Variants in ADAM12 observed in about 807,000 individuals in gnomAD.
ADAM12 encodes disintegrin and metalloproteinase domain-containing protein 12.
In ADAM12, 70 loss-of-function variants were observed where a neutral mutation model predicts 106.4. That is an observed-to-expected ratio of 0.66 (90% confidence interval 0.54 to 0.80). The LOEUF is 0.80. Ranked by LOEUF, ADAM12 falls within the 30% of genes least tolerant of loss-of-function variation. The pLI, the probability that ADAM12 is intolerant of heterozygous loss-of-function variation, is 0.00. For synonymous variants in ADAM12, 420 were observed against 433.5 expected (o/e 0.97, Z 0.39); for missense variants, 1,010 against 1,171.9 (o/e 0.86, Z 2.02).
At chr10:126,364,149 T>A (rs4431941) in intron 1 of ADAM12, among the ~76,000 whole-genome samples, 103,486 of 151,318 alleles carry the variant, frequency 0.68, 35,580 homozygotes, top group Admixed American at 0.74. Context: ...CTTTTTTTTT[T>A]AAAAAAATCT....
intron 14 of ADAM12, among the ~76,000 whole-genome samples, chr10:126,050,002 GGC>G (rs1954437604): frequency 2.8e-5 from 1 of 36,030 alleles, no homozygotes; most frequent in African/African-American, 1.3e-4. Flanking sequence ...CTGGCTGGCT[GGC>G]TGGCTGGCTG....
At chr10:126,159,434 G>A (rs756919476) in intron 3 of ADAM12, among the ~76,000 whole-genome samples, 1 of 150,726 alleles carries the variant, frequency 6.6e-6, no homozygotes, top group African/African-American at 2.4e-5. Context: ...CTATGTACTT[G>A]TACTTCTATC....
At chr10:126,048,132 G>A (rs1188162617) in intron 16 of ADAM12, among the ~76,000 whole-genome samples, 1 of 152,094 alleles carries the variant, frequency 6.6e-6, no homozygotes, top group Non-Finnish European at 1.5e-5. Context: ...AAACACACTG[G>A]GCCTATCAGA....
intron 3 of ADAM12, among the ~76,000 whole-genome samples, chr10:126,233,942 AC>A (rs1307190591): frequency 1.3e-5 from 2 of 152,220 alleles, no homozygotes; most frequent in African/African-American, 4.8e-5. Context: ...AGATTAAGGA[AC>A]CGGCAATATA....
In ADAM12 at chr10:126,367,707, C is replaced by T. The variant is rs559489621; in HGVS notation, c.88+20351G>A. Among the ~76,000 whole-genome samples the T allele has an allele frequency of 2.6e-3, 388 of 151,850 alleles. 2 individuals are homozygous for T. The highest frequency in any genetic ancestry group is 4.8e-3 in the Non-Finnish European group (325 of 67,806). Reference sequence around the variant, plus strand: ...CAATTTTAGGAATTAAAGAGGGGTACGTCATTACAGATAATACAGGCATTA... The same window carrying T: ...CAATTTTAGGAATTAAAGAGGGGTATGTCATTACAGATAATACAGGCATTA... On this transcript the variant is annotated intron_variant, in intron 1 of 22. Transcript: ENST00000448723.
At chr10:126,142,298 C>T (rs1200148022) in intron 4 of ADAM12, among the ~76,000 whole-genome samples, 1 of 152,098 alleles carries the variant, frequency 6.6e-6, no homozygotes, top group African/African-American at 2.4e-5. Flanking sequence ...AGAGATTTAC[C>T]CACGTATTTA....
At chr10:126,261,430 T>C (rs902350439) in intron 3 of ADAM12, among the ~76,000 whole-genome samples, 1 of 152,286 alleles carries the variant, frequency 6.6e-6, no homozygotes, top group East Asian at 1.9e-4. Context: ...TGGCAAAGAT[T>C]GGGATAGGAA....
intron 3 of ADAM12, among the ~76,000 whole-genome samples, chr10:126,184,718 C>G (rs910971799): frequency 1.3e-5 from 2 of 152,196 alleles, no homozygotes; most frequent in Non-Finnish European, 2.9e-5. Context: ...TGTGCTTGGT[C>G]TGTTGACAAC....
chr10:126,051,540 T>TCCAGCCAC (rs1954492319), intron 14 of ADAM12, among the ~76,000 whole-genome samples: 1 of 53,834 alleles, frequency 1.9e-5, no homozygotes, highest in Non-Finnish European at 3.0e-5. Flanking sequence ...CAGCCACCCA[T>TCCAGCCAC]CCATCCATCC....
Position 126,388,074 on chromosome 10 carries a change from C to A in ADAM12, c.72G>T (p.Ala24=). 1 of 1,230,386 alleles carries A rather than the reference C, an allele frequency of 8.1e-7. No homozygotes were observed. The highest frequency in any genetic ancestry group is 1.0e-6 in the Non-Finnish European group (1 of 985,666). The allele number at this position is 1,230,386 out of a possible 1,614,324, so 76.2% of individuals were successfully genotyped here. Residue 24 remains alanine, a synonymous_variant, in exon 1 of 23, where the codon GCG becomes GCT. Coordinates refer to ENST00000448723, the MANE Select transcript of ADAM12 (RefSeq NM_001288973.2). The surrounding 1 kb of genome is among the most constrained non-coding windows in gnomAD (Gnocchi z 4.4). The part of the protein sequence containing the change: ...LLLALAGALL[A]PCEARGVSLW... ...GCGACTTACCTCGGGCCTCGCAGGGCGCGAGCAGAGCACCGGCCAGGGCGA... is the reference window on the plus strand; with the variant it reads ...GCGACTTACCTCGGGCCTCGCAGGGAGCGAGCAGAGCACCGGCCAGGGCGA...
intron 20 of ADAM12, among the ~76,000 whole-genome samples, 161 bp from the exon 21 acceptor site, chr10:126,036,486 T>G (rs1309783662): frequency 6.6e-6 from 1 of 152,190 alleles, no homozygotes; most frequent in Non-Finnish European, 1.5e-5. Context: ...ATTTTTGTAT[T>G]TATTTAAACT....
chr10:126,333,410 G>A (rs1329289265), intron 1 of ADAM12, among the ~76,000 whole-genome samples: 1 of 152,234 alleles, frequency 6.6e-6, no homozygotes, highest in Non-Finnish European at 1.5e-5. Flanking sequence ...CCAGGCCTCA[G>A]ATGCCTGGAG....
At chr10:126,129,695 G>C (rs1956269984) in intron 5 of ADAM12, among the ~76,000 whole-genome samples, 1 of 152,170 alleles carries the variant, frequency 6.6e-6, no homozygotes, top group Admixed American at 6.5e-5. Flanking sequence ...TACGATACGG[G>C]ACAAAATTAA....
chr10:126,044,583 A>C (rs916890662), intron 17 of ADAM12, among the ~76,000 whole-genome samples: 1 of 152,248 alleles, frequency 6.6e-6, no homozygotes, highest in Non-Finnish European at 1.5e-5. Context: ...CCCGCCATCA[A>C]AATATGGCTG....
chr10:126,013,519 G>A lies in ADAM12; in HGVS notation c.*3760C>T, dbSNP rs1953604310. ...GCTGGTGGGGTTGCTCTGGGCTGCA[G>A]CCCTGGAGAAGGTTGGGCTTTGGGC... On this transcript the variant is annotated 3_prime_UTR_variant, in exon 23 of 23. Coordinates refer to ENST00000448723, the MANE Select transcript of ADAM12 (RefSeq NM_001288973.2). The surrounding 1 kb of genome is among the most constrained non-coding windows in gnomAD (Gnocchi z 4.3). 6.6e-6 allele frequency: 1 copy of A among 152,380 alleles called. No homozygotes were observed. The highest frequency in any genetic ancestry group is 1.5e-5 in the Non-Finnish European group (1 of 68,168). 9.4% of individuals were successfully genotyped at this position (152,380 alleles called of 1,614,324 possible).
Position 126,278,908 on chromosome 10 carries a change from A to G in ADAM12, c.260+7T>C. On this transcript the variant is annotated splice_region_variant and intron_variant, in intron 3 of 22. Transcript: ENST00000448723. ...TCCTATCATGCAATAAACAAGAATT[A>G]ACTTACTCATTTCTTTCCAGATTTA... 1 of 1,597,370 alleles carries G rather than the reference A, an allele frequency of 6.3e-7. No homozygotes were observed. The highest frequency in any genetic ancestry group is 8.6e-7 in the Non-Finnish European group (1 of 1,166,308).
At chr10:126,138,626 T>C (rs1956450772) in intron 4 of ADAM12, among the ~76,000 whole-genome samples, 1 of 152,222 alleles carries the variant, frequency 6.6e-6, no homozygotes, top group Admixed American at 6.5e-5. Context: ...TCTGCCTGCC[T>C]TGGCCTCCCA....
intron 2 of ADAM12, among the ~76,000 whole-genome samples, chr10:126,323,520 T>C (rs902679137): frequency 6.6e-6 from 1 of 151,818 alleles, no homozygotes; most frequent in African/African-American, 2.4e-5. Context: ...GTAGTCAGAG[T>C]GGTTTGCAAG....
chr10:126,322,738 G>C (rs149766221), intron 2 of ADAM12, among the ~76,000 whole-genome samples: 12 of 152,162 alleles, frequency 7.9e-5, no homozygotes. Flanking sequence ...CAAGCCCAAC[G>C]CCACACAGCA....
Sources: gnomAD v4.1 joint callset for allele counts (sites outside exome capture counted in the v4.1 genomes callset) on GRCh38, gnomAD v4.1.1 for gene constraint, Gnocchi (gnomAD v3.1) non-coding constraint, MANE v1.5 for transcripts, NCBI Gene and HGNC (gene_info 2026-07-23, HGNC 2026-07-21) for gene names.